ADAMTS3: variants seen among roughly 807,000 people sequenced by gnomAD.
ADAMTS3 encodes the protein ADAM metallopeptidase with thrombospondin type 1 motif 3.
In ADAMTS3, 73 loss-of-function variants were observed where a neutral mutation model predicts 129.0. The ratio of observed to expected loss-of-function variants is 0.57; its 90% CI spans 0.47 to 0.69. The LOEUF (loss-of-function observed/expected upper bound fraction) is 0.69, where lower values mean the gene tolerates loss of function less well. Ranked by LOEUF, ADAMTS3 falls within the 30% of genes least tolerant of loss-of-function variation. ADAMTS3 has a pLI of 0.00. For synonymous variants in ADAMTS3, 477 were observed against 510.8 expected, an observed-to-expected ratio of 0.93 and a Z score of 0.89; for missense variants, 1,457 against 1,514.5, an observed-to-expected ratio of 0.96 and a Z score of 0.63.
chr4:72,526,733 C>CATACATATAT (rs1468888257), intron 3 of ADAMTS3, among the ~76,000 whole-genome samples: 1 of 99,104 alleles, frequency 1.0e-5, no homozygotes, highest in African/African-American at 4.0e-5. Context: ...TATATACATA[C>CATACATATAT]ATATATATAT....
rs149265313 is a variant in ADAMTS3 at position 72,547,869 on chromosome 4, G to A, written c.504+609C>T. Among the ~76,000 whole-genome samples, 60 of 152,150 alleles carry A rather than the reference G, an allele frequency of 3.9e-4. No homozygotes were observed. The South Asian group carries it at 5.2e-3, about 13-fold the overall frequency. ...TGTCTTGTCACAAACCTGAGTCTACGTAGCACACTTAACCCTCAACCACAA... is the reference window on the plus strand; with the variant it reads ...TGTCTTGTCACAAACCTGAGTCTACATAGCACACTTAACCCTCAACCACAA... On this transcript the variant is annotated intron_variant, in intron 3 of 21. Transcript: ENST00000286657.
chr4:72,474,921 G>A (rs1359696254), intron 3 of ADAMTS3, among the ~76,000 whole-genome samples: 1 of 151,054 alleles, frequency 6.6e-6, no homozygotes, highest in African/African-American at 2.4e-5. Context: ...CAGCTACTTG[G>A]GAGGCTGAGG....
intron 3 of ADAMTS3, among the ~76,000 whole-genome samples, chr4:72,517,971 T>C (rs1375867312): frequency 6.6e-6 from 1 of 151,772 alleles, no homozygotes; most frequent in Non-Finnish European, 1.5e-5. Context: ...CTTGTGGGCA[T>C]TTAGTGCTAT....
At chr4:72,392,227 T>C (rs17722955) in intron 4 of ADAMTS3, among the ~76,000 whole-genome samples, 15,967 of 152,206 alleles carry the variant, frequency 0.1, 908 homozygotes, top group African/African-American at 0.14. Flanking sequence ...TGATATTTCA[T>C]AGGCTTCACC....
chr4:72,568,779 T>C lies in ADAMTS3; in HGVS notation c.-17A>G. The stretch of plus-strand genomic sequence containing the variant: ...GAGAACCATCACGAGTCGAGTTCAC[T>C]TTCCAACTACTGGGCAAAGCAAATG... On this transcript the variant is annotated 5_prime_UTR_variant, in exon 1 of 22. Transcript: ENST00000286657. 2 of 1,611,548 alleles carry C rather than the reference T, an allele frequency of 1.2e-6. No homozygotes were observed. Among genetic ancestry groups the C allele is most frequent in the Non-Finnish European group, 1.7e-6 (2 of 1,178,294 alleles).
At chr4:72,414,003 C>A (rs1244811569) in intron 4 of ADAMTS3, among the ~76,000 whole-genome samples, 1 of 151,790 alleles carries the variant, frequency 6.6e-6, no homozygotes, top group African/African-American at 2.4e-5. Context: ...AAAAGGCAAT[C>A]TAGAAGACAA....
chr4:72,496,587 G>A (rs1719878375), intron 3 of ADAMTS3, among the ~76,000 whole-genome samples: 1 of 152,060 alleles, frequency 6.6e-6, no homozygotes, highest in Non-Finnish European at 1.5e-5. Flanking sequence ...CCACTATGGA[G>A]CTTAGATTTT....
chr4:72,340,853 C>G (rs72862370), intron 4 of ADAMTS3, among the ~76,000 whole-genome samples: 3,542 of 152,156 alleles, frequency 0.023, 138 homozygotes, highest in African/African-American at 0.08. Context: ...TACATAAAAA[C>G]CAAAAATATT....
chr4:72,462,658 T>G (rs72853018), intron 3 of ADAMTS3, among the ~76,000 whole-genome samples: 6,188 of 151,988 alleles, frequency 0.041, 442 homozygotes, highest in African/African-American at 0.14. Context: ...TCCCATGTAG[T>G]CTGAGTCTAA....
At chr4:72,531,081 A>G (rs1281157657) in intron 3 of ADAMTS3, among the ~76,000 whole-genome samples, 1 of 151,768 alleles carries the variant, frequency 6.6e-6, no homozygotes, top group Non-Finnish European at 1.5e-5. Flanking sequence ...ATTGGCCGAA[A>G]ACACCAGTCA....
intron 3 of ADAMTS3, among the ~76,000 whole-genome samples, chr4:72,419,694 G>A (rs577282601): frequency 6.6e-6 from 1 of 152,098 alleles, no homozygotes; most frequent in Non-Finnish European, 1.5e-5. Context: ...TTCTTCCAAT[G>A]TGGCCCACGA....
chr4:72,552,402 G>A (rs1423751620), intron 2 of ADAMTS3, among the ~76,000 whole-genome samples: 1 of 152,114 alleles, frequency 6.6e-6, no homozygotes, highest in African/African-American at 2.4e-5. Flanking sequence ...AAATAATGTT[G>A]TGGTTCAACT....
In ADAMTS3 at chr4:72,486,115, T is replaced by C. The variant is rs180833031; in HGVS notation, c.504+62363A>G. Among the ~76,000 whole-genome samples the C allele has an allele frequency of 6.4e-3, 974 of 152,324 alleles. 19 individuals are homozygous for C. The highest frequency in any genetic ancestry group is 0.021 in the African/African-American group (885 of 41,566). On this transcript the variant is annotated intron_variant, in intron 3 of 21. Transcript: ENST00000286657. ...CGTGCCTTCATGCAAGAACTGTATA[T>C]AGTAGTAGACTTACATGTTATCTTA...
intron 3 of ADAMTS3, among the ~76,000 whole-genome samples, chr4:72,510,558 G>T (rs1487817107): frequency 6.6e-6 from 1 of 151,580 alleles, no homozygotes; most frequent in Non-Finnish European, 1.5e-5. Context: ...ATTAACCAAA[G>T]AAATAAAAGA....
chr4:72,360,873 T>A (rs1277041666), intron 4 of ADAMTS3, among the ~76,000 whole-genome samples: 1 of 152,136 alleles, frequency 6.6e-6, no homozygotes, highest in Admixed American at 6.6e-5. Flanking sequence ...AATTCCTCCC[T>A]ATTTTTCCTT....
chr4:72,508,811 T>C (rs1445090524), intron 3 of ADAMTS3, among the ~76,000 whole-genome samples: 2 of 152,044 alleles, frequency 1.3e-5, no homozygotes, highest in African/African-American at 4.8e-5. Context: ...TTACAGAACA[T>C]TTCATCCAAG....
chr4:72,312,338 T>C lies in ADAMTS3; in HGVS notation c.1874A>G (p.Glu625Gly). The C allele has an allele frequency of 6.2e-7, 1 of 1,613,840 alleles. No individual in the cohort carries two copies. Among genetic ancestry groups the C allele is most frequent in the Non-Finnish European group, 8.5e-7 (1 of 1,179,804 alleles). ...QQCQQRNSHF[E>G]YQNTKHHWLP... ...CCAGTGGTGTTTGGTATTCTGGTAT[T>C]CAAAGTGGGAGTTTCGCTGCTGACA... Residue 625 changes from glutamate to glycine, a missense_variant, in exon 13 of 22, where the codon GAA becomes GGA. Transcript: ENST00000286657.
chr4:72,567,042 G>A (rs112823159), intron 2 of ADAMTS3, among the ~76,000 whole-genome samples: 2,487 of 152,278 alleles, frequency 0.016, 36 homozygotes, highest in Non-Finnish European at 0.025. Flanking sequence ...AAATGCTACA[G>A]AAGTTGATGA....
At chr4:72,543,907 A>C (rs927228430) in intron 3 of ADAMTS3, among the ~76,000 whole-genome samples, 3 of 152,126 alleles carry the variant, frequency 2.0e-5, no homozygotes, top group African/African-American at 7.2e-5. Flanking sequence ...AAATATTGGA[A>C]GAAAAAGTAG....
Sources: gnomAD v4.1 joint callset for allele counts (sites outside exome capture counted in the v4.1 genomes callset) on GRCh38, gnomAD v4.1.1 for gene constraint, MANE v1.5 for transcripts, NCBI Gene and HGNC (gene_info 2026-07-23, HGNC 2026-07-21) for gene names.